Variants in FRAS1 observed in about 807,000 individuals in gnomAD.
The protein encoded by FRAS1 is extracellular matrix organizing protein FRAS1.
In FRAS1, 290 loss-of-function variants were observed where a neutral mutation model predicts 435.2. That is an observed-to-expected ratio of 0.67 (90% CI 0.61 to 0.73). FRAS1 has a LOEUF of 0.73. Ranked by LOEUF, FRAS1 falls within the 30% of genes least tolerant of loss-of-function variation. The probability of loss-of-function intolerance (pLI) is 0.00; values close to 1 mark genes in which losing one functional copy is unlikely to be tolerated. For missense variants in FRAS1, 4,860 were observed against 5,001.5 expected (o/e 0.97, Z 0.85); for synonymous variants, 1,800 against 1,851.0 (o/e 0.97, Z 0.71).
At chr4:78,210,474 T>C (rs1447461587) in intron 2 of FRAS1, among the ~76,000 whole-genome samples, 2 of 152,168 alleles carry the variant, frequency 1.3e-5, no homozygotes, top group African/African-American at 4.8e-5. Flanking sequence ...GCATAGTGAG[T>C]AGACACATAT....
At chr4:78,286,313 A>G in intron 13 of FRAS1, 92 bp from the exon 14 acceptor site, 1 of 1,449,156 alleles carries the variant, frequency 6.9e-7, no homozygotes. Context: ...CTGGAGCCTC[A>G]AGATTGGGCT....
intron 61 of FRAS1, among the ~76,000 whole-genome samples, chr4:78,502,537 A>T (rs1720716829): frequency 6.6e-6 from 1 of 151,806 alleles, no homozygotes; most frequent in Admixed American, 6.6e-5. Context: ...GTTGTATAGG[A>T]ATGCTTGTGA....
At chr4:78,117,900 G>A (rs1242734802) in intron 2 of FRAS1, among the ~76,000 whole-genome samples, 2 of 152,188 alleles carry the variant, frequency 1.3e-5, no homozygotes, top group Non-Finnish European at 2.9e-5. Flanking sequence ...GTGGAGGAGA[G>A]GTTGTCTGAT....
chr4:78,415,495 A>G (rs1733518072), intron 32 of FRAS1, among the ~76,000 whole-genome samples: 1 of 152,174 alleles, frequency 6.6e-6, no homozygotes, highest in South Asian at 2.1e-4. Context: ...GTTTCCAGGT[A>G]ATGCTGTTTG....
intron 1 of FRAS1, among the ~76,000 whole-genome samples, chr4:78,065,031 TTTAAG>T (rs955268179): frequency 6.8e-6 from 1 of 146,406 alleles, no homozygotes; most frequent in Non-Finnish European, 1.5e-5. Context: ...CTATATTTTT[TTTAAG>T]TTAAGATTTC....
chr4:78,313,488 A>C (rs976070119), intron 15 of FRAS1, among the ~76,000 whole-genome samples: 14 of 152,162 alleles, frequency 9.2e-5, no homozygotes, highest in Non-Finnish European at 1.9e-4. Flanking sequence ...TGAAACATTG[A>C]TTCTCTGTAG....
Position 78,318,848 on chromosome 4 carries a change from C to T in FRAS1, c.1999C>T (p.Pro667Ser). Reference protein sequence around the residue: ...SSCLACMGPAPSHCTGCKKPE... With the variant: ...SSCLACMGPASSHCTGCKKPE... The stretch of plus-strand genomic sequence containing the variant: ...CTGCCTGGCTTGTATGGGTCCCGCA[C>T]CCTCTCACTGTACTGGGTGTAAGAA... The change falls in exon 18 of 74, where the codon CCC becomes TCC. Residue 667 changes from proline (P) to serine (S), a missense_variant. By Grantham distance (74) the Pro-to-Ser change is moderately conservative (BLOSUM62 -1). Transcript: ENST00000512123. 6.2e-7 allele frequency: 1 copy of T among 1,613,088 alleles called. No individual in the cohort carries two copies. Among genetic ancestry groups the T allele is most frequent in the Non-Finnish European group, 8.5e-7 (1 of 1,179,420 alleles).
rs11453256 is a variant in FRAS1, at chr4:78,284,229, ATTTTTT to A, written c.1256-158_1256-153del. Among the ~76,000 whole-genome samples, 31 of 80,818 alleles carry A rather than the reference ATTTTTT, an allele frequency of 3.8e-4. No individual in the cohort carries two copies. The East Asian group carries it at 8.7e-3, about 23-fold the overall frequency. 53.0% of individuals were successfully genotyped at this position (80,818 alleles called of 152,430 possible). A position where few individuals can be genotyped will look rare whatever the true frequency, so the allele number is the denominator to read the frequency against. On this transcript the variant is annotated intron_variant, in intron 12 of 73. Coordinates refer to ENST00000512123, the MANE Select transcript of FRAS1 (RefSeq NM_025074.7). ...TCCTTGCAATCTTGCATTGGAATGT[ATTTTTT>A]TTTTTTTTTTTTTTTTTGCTATTTA...
intron 22 of FRAS1, among the ~76,000 whole-genome samples, chr4:78,368,865 A>G (rs1578278580): frequency 2.6e-5 from 4 of 152,300 alleles, no homozygotes; most frequent in Admixed American, 2.6e-4. Flanking sequence ...AATGGAGGGA[A>G]TGGTAGGGGA....
chr4:78,536,944 TTTTC>T (rs1721904107), intron 71 of FRAS1, 47 bp from the exon 72 acceptor site: 1 of 1,498,054 alleles, frequency 6.7e-7, no homozygotes, highest in Non-Finnish European at 9.3e-7. Context: ...TGACATTTGT[TTTTC>T]TTTCATCTTA....
intron 47 of FRAS1, among the ~76,000 whole-genome samples, 175 bp from the exon 48 acceptor site, chr4:78,463,846 T>G (rs1719443334): frequency 6.6e-6 from 1 of 152,226 alleles, no homozygotes; most frequent in South Asian, 2.1e-4. Flanking sequence ...ACAGAATATA[T>G]GCTGTTGTAT....
intron 63 of FRAS1, among the ~76,000 whole-genome samples, chr4:78,510,811 G>A (rs1721011697): frequency 6.6e-6 from 1 of 152,144 alleles, no homozygotes; most frequent in Admixed American, 6.5e-5. Context: ...AGGGAGATGG[G>A]ATGATCGAGG....
chr4:78,237,076 G>A lies in FRAS1; in HGVS notation c.109-434G>A, dbSNP rs143850241. On this transcript the variant is annotated intron_variant, in intron 2 of 73. Transcript: ENST00000512123. The stretch of plus-strand genomic sequence containing the variant: ...AAGTAGCAAAGAGCTGAAAAATGAA[G>A]CCTGTGGTGCTTATAGTATCTAGTG... Among the ~76,000 whole-genome samples, 4 of 152,130 alleles carry A rather than the reference G, an allele frequency of 2.6e-5. No homozygotes were observed. In the East Asian group the frequency reaches 7.7e-4, roughly 29 times the overall value.
Position 78,379,872 on chromosome 4 carries a change from A to T in FRAS1, c.3439A>T (p.Thr1147Ser). ...CCTATTTCATGTTGTGAGCACTCCC[A>T]CCAATGGTCAGCTAGTGCTCTCAAG... ...DLLFHVVSTP[T>S]NGQLVLSRNG... Residue 1147 changes from threonine to serine, a missense_variant, in exon 27 of 74, where the codon ACC becomes TCC. Transcript: ENST00000512123. The T allele has an allele frequency of 6.2e-7, 1 of 1,613,922 alleles. No homozygotes were observed. The highest frequency in any genetic ancestry group is 8.5e-7 in the Non-Finnish European group (1 of 1,179,862).
intron 2 of FRAS1, among the ~76,000 whole-genome samples, chr4:78,225,405 C>T (rs1384774670): frequency 6.6e-6 from 1 of 152,136 alleles, no homozygotes; most frequent in East Asian, 1.9e-4. Context: ...GAACCAGAGG[C>T]CCAGGGAGGC....
chr4:78,392,955 C>T (rs1044260663), intron 29 of FRAS1, among the ~76,000 whole-genome samples: 6 of 150,398 alleles, frequency 4.0e-5, no homozygotes, highest in African/African-American at 1.5e-4. Flanking sequence ...CAAAAGAAAA[C>T]AATAAGAAAC....
intron 55 of FRAS1, 57 bp downstream of exon 55, chr4:78,478,118 T>C: frequency 6.7e-7 from 1 of 1,498,324 alleles, no homozygotes; most frequent in Admixed American, 2.1e-5. Flanking sequence ...TTTATTGAGT[T>C]CCTATTATGT....
At chr4:78,470,390 G>A (rs1417418653) in intron 51 of FRAS1, among the ~76,000 whole-genome samples, 1 of 152,108 alleles carries the variant, frequency 6.6e-6, no homozygotes, top group Non-Finnish European at 1.5e-5. Flanking sequence ...AGTGGGCAGT[G>A]CAGGGCTCTA....
At chr4:78,194,700 C>G (rs1722719176) in intron 2 of FRAS1, among the ~76,000 whole-genome samples, 1 of 152,064 alleles carries the variant, frequency 6.6e-6, no homozygotes, top group South Asian at 2.1e-4. Context: ...TTTTTAACTT[C>G]TTTGCCATGG....
Sources: allele counts gnomAD v4.1 joint callset (sites outside exome capture counted in the v4.1 genomes callset), GRCh38; gene constraint gnomAD v4.1.1; transcripts MANE v1.5; gene names NCBI Gene and HGNC (gene_info 2026-07-23, HGNC 2026-07-21).